Variants in JAKMIP2 observed in about 807,000 individuals in gnomAD.
JAKMIP2 encodes the protein janus kinase and microtubule interacting protein 2.
JAKMIP2 carries 25 observed loss-of-function variants against 115.0 expected under a neutral mutation model. The observed-to-expected ratio is 0.22, with a 90% CI of 0.16 to 0.30. JAKMIP2 has a LOEUF of 0.30. Ranked by LOEUF, JAKMIP2 falls within the 10% of genes least tolerant of loss-of-function variation. JAKMIP2 has a pLI of 1.00. For missense variants in JAKMIP2, 642 were observed against 957.6 expected, an observed-to-expected ratio of 0.67 and a Z score of 4.35; for synonymous variants, 334 against 343.6, an observed-to-expected ratio of 0.97 and a Z score of 0.31.
At chr5:147,675,783 ATTTTT>A (rs1245892919) in intron 1 of JAKMIP2, among the ~76,000 whole-genome samples, 21,211 of 98,834 alleles carry the variant, frequency 0.21, 1,389 homozygotes, top group African/African-American at 0.32. Flanking sequence ...ATCATATGAC[ATTTTT>A]TTTTTTTTTT....
chr5:147,612,855 C>T (rs979411348), intron 19 of JAKMIP2, among the ~76,000 whole-genome samples: 1 of 152,186 alleles, frequency 6.6e-6, no homozygotes, highest in African/African-American at 2.4e-5. Flanking sequence ...ATGGTTGAGG[C>T]TGACTCATAT....
intron 1 of JAKMIP2, among the ~76,000 whole-genome samples, chr5:147,712,648 TG>T (rs560334529): frequency 1.5e-3 from 230 of 151,946 alleles, no homozygotes; most frequent in South Asian, 5.4e-3. Context: ...TTAGTGGAGG[TG>T]GGGGAGGGGA....
chr5:147,636,305 C>T (rs764817574), intron 11 of JAKMIP2, 21 bp from the exon 12 acceptor site: 24 of 1,607,320 alleles, frequency 1.5e-5, no homozygotes, highest in Admixed American at 6.7e-5. Flanking sequence ...AAGAATATCG[C>T]GCAGTCAGCA....
Position 147,657,590 on chromosome 5 carries a change from A to G in JAKMIP2, c.627+3358T>C, listed in dbSNP as rs149798170. On this transcript the variant is annotated intron_variant, in intron 3 of 21. Coordinates refer to ENST00000616793, the MANE Select transcript of JAKMIP2 (RefSeq NM_001270941.2). ...GAAGTTCTCCTGCATAATATCCTCA[A>G]GTGTATTTTCCAACTTGATTCCATT... is the stretch of plus-strand genomic sequence containing the variant. Among the ~76,000 whole-genome samples the G allele has an allele frequency of 1.0e-3, 159 of 152,124 alleles. 1 individual carries two copies. In the East Asian group the frequency reaches 0.026, roughly 25 times the overall value.
intron 1 of JAKMIP2, among the ~76,000 whole-genome samples, chr5:147,717,402 TG>T (rs1367875433): frequency 5.2e-4 from 75 of 145,618 alleles, no homozygotes; most frequent in African/African-American, 1.9e-3. Flanking sequence ...GGTAGCTTGA[TG>T]GGGATGGCAT....
intron 5 of JAKMIP2, among the ~76,000 whole-genome samples, chr5:147,645,891 G>A (rs1018632777): frequency 6.6e-6 from 1 of 152,024 alleles, no homozygotes; most frequent in South Asian, 2.1e-4. Context: ...GTCTTGAGGG[G>A]ATTGTCAATA....
chr5:147,603,107 C>T (rs1301370849), intron 20 of JAKMIP2, among the ~76,000 whole-genome samples: 1 of 152,178 alleles, frequency 6.6e-6, no homozygotes, highest in Non-Finnish European at 1.5e-5. Flanking sequence ...AGATGCCCAT[C>T]ACTTAATCTG....
At chr5:147,694,651 T>C (rs1308825166) in intron 1 of JAKMIP2, among the ~76,000 whole-genome samples, 1 of 152,236 alleles carries the variant, frequency 6.6e-6, no homozygotes, top group Non-Finnish European at 1.5e-5. Flanking sequence ...CATGTCTCCC[T>C]GAATGTGCCT....
At chr5:147,594,847 A>G (rs1199726169) in intron 21 of JAKMIP2, among the ~76,000 whole-genome samples, 1 of 152,180 alleles carries the variant, frequency 6.6e-6, no homozygotes, top group Non-Finnish European at 1.5e-5. Context: ...GAGTACACTG[A>G]GACTGAAGAT....
intron 20 of JAKMIP2, among the ~76,000 whole-genome samples, chr5:147,604,425 G>C (rs987506501): frequency 2.0e-5 from 3 of 152,142 alleles, no homozygotes; most frequent in Non-Finnish European, 4.4e-5. Flanking sequence ...TTAGAGATAT[G>C]GCTTAGACAG....
chr5:147,608,455 T>C (rs1297387377), intron 20 of JAKMIP2, among the ~76,000 whole-genome samples: 2 of 152,230 alleles, frequency 1.3e-5, no homozygotes, highest in Admixed American at 6.5e-5. Context: ...CAGGAACAGA[T>C]TGTTCGGTTT....
At chr5:147,680,429 C>G (rs1257740151) in intron 1 of JAKMIP2, among the ~76,000 whole-genome samples, 1 of 152,170 alleles carries the variant, frequency 6.6e-6, no homozygotes, top group Admixed American at 6.5e-5. Flanking sequence ...CATTATTAAT[C>G]TCAAGGTTTC....
chr5:147,690,309 G>T (rs934872189), intron 1 of JAKMIP2, among the ~76,000 whole-genome samples: 3 of 151,626 alleles, frequency 2.0e-5, no homozygotes, highest in African/African-American at 7.3e-5. Flanking sequence ...CTCCAGCCTG[G>T]GTGACAGATT....
chr5:147,616,763 G>A (rs1356101510), intron 19 of JAKMIP2, among the ~76,000 whole-genome samples: 2 of 152,122 alleles, frequency 1.3e-5, no homozygotes, highest in Non-Finnish European at 2.9e-5. Flanking sequence ...GAACATGTAG[G>A]TATTTATCAT....
intron 5 of JAKMIP2, among the ~76,000 whole-genome samples, chr5:147,646,170 T>C (rs1214095369): frequency 6.6e-6 from 1 of 152,162 alleles, no homozygotes; most frequent in African/African-American, 2.4e-5. Context: ...TTATGAATAT[T>C]TGTAAAATCT....
intron 1 of JAKMIP2, among the ~76,000 whole-genome samples, chr5:147,678,095 C>T (rs1238828463): frequency 6.6e-6 from 1 of 152,128 alleles, no homozygotes; most frequent in Non-Finnish European, 1.5e-5. Context: ...ACCTTTGCCC[C>T]CCGGATTCAA....
In JAKMIP2 at chr5:147,724,278, T is replaced by C. The variant is rs1753429289; in HGVS notation, c.-148-52324A>G. ...ATCTAAGGTGCCATATGCTTACAAATGATGCCCTCTGTAAACATTCCAAAC... is the reference window on the plus strand; with the variant it reads ...ATCTAAGGTGCCATATGCTTACAAACGATGCCCTCTGTAAACATTCCAAAC... On this transcript the variant is annotated intron_variant, in intron 1 of 21. Coordinates refer to ENST00000616793, the MANE Select transcript of JAKMIP2 (RefSeq NM_001270941.2). Among the ~76,000 whole-genome samples, 7 of 152,342 alleles carry C rather than the reference T, an allele frequency of 4.6e-5. No homozygotes were observed. The South Asian group carries it at 1.2e-3, about 27-fold the overall frequency.
At chr5:147,702,303 G>A (rs1366657227) in intron 1 of JAKMIP2, among the ~76,000 whole-genome samples, 1 of 145,182 alleles carries the variant, frequency 6.9e-6, no homozygotes, top group African/African-American at 2.6e-5. Flanking sequence ...GGACTAGGGG[G>A]AAAGGGTGGA....
chr5:147,764,920 A>AAGAAAGAAAGAAAGAGAGAG (rs1554086034), intron 1 of JAKMIP2, among the ~76,000 whole-genome samples: 1 of 39,464 alleles, frequency 2.5e-5, no homozygotes, highest in African/African-American at 1.4e-4. Flanking sequence ...GAAAGAAAGA[A>AAGAAAGAAAGAAAGAGAGAG]AGAGAGAGAG....
Sources: gnomAD v4.1 joint callset for allele counts (sites outside exome capture counted in the v4.1 genomes callset) on GRCh38, gnomAD v4.1.1 for gene constraint, MANE v1.5 for transcripts, NCBI Gene and HGNC (gene_info 2026-07-23, HGNC 2026-07-21) for gene names.